MACROD2: variants seen among roughly 807,000 people sequenced by gnomAD.
MACROD2 encodes ADP-ribose glycohydrolase MACROD2.
Under a neutral mutation model 70.4 loss-of-function variants are expected in MACROD2, and 36 were observed. That is an observed-to-expected ratio of 0.51 (90% CI 0.39 to 0.68). The LOEUF (loss-of-function observed/expected upper bound fraction) is 0.68. Among genes scored for constraint, MACROD2 ranks in the 30% least tolerant of loss-of-function variants. The pLI, the probability that MACROD2 is intolerant of heterozygous loss-of-function variation, is 0.00. For missense variants in MACROD2, 496 were observed against 538.4 expected, an observed-to-expected ratio of 0.92 and a Z score of 0.78; for synonymous variants, 172 against 178.8, an observed-to-expected ratio of 0.96 and a Z score of 0.30.
At chr20:14,920,135 C>T (rs181995009) in intron 5 of MACROD2, among the ~76,000 whole-genome samples, 13 of 152,268 alleles carry the variant, frequency 8.5e-5, no homozygotes, top group South Asian at 4.1e-4. Flanking sequence ...AGTTAACCCG[C>T]GCCTGGTTCC....
intron 3 of MACROD2, chr20:14,127,556 G>A (rs1353938357): frequency 1.3e-5 from 6 of 478,348 alleles, no homozygotes; most frequent in Non-Finnish European, 2.3e-5. Flanking sequence ...AGGCAATTTT[G>A]AGGGAAGAGA....
intron 2 of MACROD2, among the ~76,000 whole-genome samples, chr20:14,048,387 A>G (rs2053509628): frequency 6.6e-6 from 1 of 152,164 alleles, no homozygotes; most frequent in African/African-American, 2.4e-5. Flanking sequence ...CAGTTATTTG[A>G]TAGTTTTTTT....
intron 8 of MACROD2, among the ~76,000 whole-genome samples, chr20:15,559,645 A>G (rs2048216554): frequency 6.6e-6 from 1 of 152,188 alleles, no homozygotes; most frequent in Non-Finnish European, 1.5e-5. Context: ...AGAGCCTGAC[A>G]ACCATTGGTC....
At chr20:14,277,714 T>TGAGA (rs142899395) in intron 3 of MACROD2, among the ~76,000 whole-genome samples, 148 of 144,356 alleles carry the variant, frequency 1.0e-3, no homozygotes, top group Non-Finnish European at 1.5e-3. Context: ...AAAGAGAGAG[T>TGAGA]GAGAGAGAGA....
At chr20:14,654,003 C>A (rs1985829684) in intron 4 of MACROD2, among the ~76,000 whole-genome samples, 1 of 152,090 alleles carries the variant, frequency 6.6e-6, no homozygotes, top group Non-Finnish European at 1.5e-5. Flanking sequence ...TTCCTGGGAT[C>A]TCTTTTCAAA....
At chr20:15,451,417 T>TAAAAAA (rs35308671) in intron 7 of MACROD2, among the ~76,000 whole-genome samples, 8 of 83,376 alleles carry the variant, frequency 9.6e-5, no homozygotes, top group South Asian at 5.4e-4. Context: ...GGGTGGTAAA[T>TAAAAAA]AAAAAAAAAA....
At chr20:14,508,271 ATT>A (rs1391484496) in intron 4 of MACROD2, among the ~76,000 whole-genome samples, 1 of 151,922 alleles carries the variant, frequency 6.6e-6, no homozygotes, top group Non-Finnish European at 1.5e-5. Context: ...AAGATGGGAG[ATT>A]TTCTTTTCTC....
chr20:15,583,238 C>G (rs895529586), intron 8 of MACROD2, among the ~76,000 whole-genome samples: 4 of 152,192 alleles, frequency 2.6e-5, no homozygotes, highest in African/African-American at 4.8e-5. Flanking sequence ...GTCTCTTTCC[C>G]TCTCAGTTAT....
In MACROD2 at chr20:14,032,543, A is replaced by AT. The variant is rs1317687611; in HGVS notation, c.163+30145dup. Among the ~76,000 whole-genome samples the AT allele has an allele frequency of 2.0e-5, 3 of 152,192 alleles. No individual in the cohort carries two copies. The South Asian group carries it at 6.2e-4, about 32-fold the overall frequency. On this transcript the variant is annotated intron_variant, in intron 2 of 17. Coordinates refer to ENST00000684519, the MANE Select transcript of MACROD2 (RefSeq NM_001351661.2). ...GCTGTTACTATTTGCATTTCTTAACATTTTTTATTTCTTAGCCATCTGAAT... is the reference window on the plus strand; with the variant it reads ...GCTGTTACTATTTGCATTTCTTAACATTTTTTTATTTCTTAGCCATCTGAAT...
chr20:14,350,472 T>C (rs1413049926), intron 3 of MACROD2, among the ~76,000 whole-genome samples: 1 of 152,132 alleles, frequency 6.6e-6, no homozygotes, highest in African/African-American at 2.4e-5. Context: ...AGATGATATC[T>C]CTTTGTAGTT....
intron 3 of MACROD2, among the ~76,000 whole-genome samples, chr20:14,371,462 G>A (rs549858105): frequency 3.9e-5 from 6 of 152,190 alleles, no homozygotes; most frequent in South Asian, 2.1e-4. Context: ...TGCACTCTGC[G>A]CTGAGTGACA....
intron 8 of MACROD2, among the ~76,000 whole-genome samples, chr20:15,751,274 C>T (rs776294350): frequency 6.6e-6 from 1 of 151,856 alleles, no homozygotes; most frequent in Non-Finnish European, 1.5e-5. Context: ...TATGATGTAT[C>T]AATTTGAAAA....
At chr20:15,210,339 A>G (rs2076750854) in intron 5 of MACROD2, among the ~76,000 whole-genome samples, 1 of 152,206 alleles carries the variant, frequency 6.6e-6, no homozygotes, top group Non-Finnish European at 1.5e-5. Flanking sequence ...GTAGCACTAA[A>G]AACACCCCTG....
chr20:14,862,680 T>TATATATAA (rs1568841677), intron 5 of MACROD2, among the ~76,000 whole-genome samples: 2 of 69,256 alleles, frequency 2.9e-5, no homozygotes, highest in African/African-American at 1.3e-4. Flanking sequence ...TATATATAAA[T>TATATATAA]ATATATATAA....
intron 8 of MACROD2, among the ~76,000 whole-genome samples, chr20:15,678,513 C>T (rs6043429): frequency 0.028 from 4,280 of 152,138 alleles, 194 homozygotes; most frequent in Admixed American, 0.12. Context: ...GCGCCCGCCA[C>T]CATGCCTGGC....
At chr20:15,997,350 C>T (rs1229913647) in intron 15 of MACROD2, among the ~76,000 whole-genome samples, 2 of 152,220 alleles carry the variant, frequency 1.3e-5, no homozygotes, top group Middle Eastern at 3.4e-3. Context: ...AATATCTTTA[C>T]ATTTATTTGT....
intron 3 of MACROD2, among the ~76,000 whole-genome samples, chr20:14,402,663 T>C (rs944776291): frequency 5.9e-5 from 9 of 152,202 alleles, no homozygotes; most frequent in African/African-American, 2.2e-4. Context: ...GGTAATGCTC[T>C]AAGAAAAATG....
At chr20:15,764,097 A>G (rs1341074406) in intron 8 of MACROD2, among the ~76,000 whole-genome samples, 1 of 152,234 alleles carries the variant, frequency 6.6e-6, no homozygotes, top group African/African-American at 2.4e-5. Flanking sequence ...AAGCCCTGCC[A>G]TTCCATAGAA....
chr20:14,239,071 A>C (rs564623380), intron 3 of MACROD2, among the ~76,000 whole-genome samples: 1 of 150,832 alleles, frequency 6.6e-6, no homozygotes, highest in East Asian at 1.9e-4. Flanking sequence ...GCCTTCCTAT[A>C]CACCAGCAAC....
Sources: gnomAD v4.1 joint callset for allele counts (sites outside exome capture counted in the v4.1 genomes callset) on GRCh38, gnomAD v4.1.1 for gene constraint, MANE v1.5 for transcripts, NCBI Gene and HGNC (gene_info 2026-07-23, HGNC 2026-07-21) for gene names.